IGF1R: variants seen among roughly 807,000 people sequenced by gnomAD.
IGF1R encodes insulin-like growth factor 1 receptor.
A neutral mutation model predicts 144.6 loss-of-function variants in IGF1R; 44 were observed. That is an observed-to-expected ratio of 0.30 (90% CI 0.24 to 0.39). The LOEUF is 0.39. IGF1R is among the 10% of genes least tolerant of loss of function. The probability of loss-of-function intolerance (pLI) is 1.00; values close to 1 mark genes in which losing one functional copy is unlikely to be tolerated. For missense variants in IGF1R, 1,355 were observed against 1,833.7 expected, an observed-to-expected ratio of 0.74 and a Z score of 4.77; for synonymous variants, 795 against 722.8, an observed-to-expected ratio of 1.10 and a Z score of -1.60.
At chr15:98,673,351 G>A (rs1227493630) in intron 1 of IGF1R, among the ~76,000 whole-genome samples, 2 of 152,194 alleles carry the variant, frequency 1.3e-5, no homozygotes, top group East Asian at 3.8e-4. Context: ...ACTAGCGGTT[G>A]TACAGTAAAT....
rs187740308 is a variant in IGF1R at position 98,949,339 on chromosome 15, A to T, written c.3722+631A>T. Among the ~76,000 whole-genome samples, 393 of 150,928 alleles carry T rather than the reference A, an allele frequency of 2.6e-3. 2 individuals are homozygous for T. The highest frequency in any genetic ancestry group is 9.2e-3 in the African/African-American group (378 of 41,080). On this transcript the variant is annotated intron_variant, in intron 20 of 20. Coordinates refer to ENST00000650285, the MANE Select transcript of IGF1R (RefSeq NM_000875.5). ...TGTGTGAGCTGACATCCCTGCGGACAGAAGGATGCCAGTGCTGGTGAATTT... is the reference window on the plus strand; with the variant it reads ...TGTGTGAGCTGACATCCCTGCGGACTGAAGGATGCCAGTGCTGGTGAATTT...
intron 2 of IGF1R, among the ~76,000 whole-genome samples, chr15:98,808,984 C>A (rs4966029): frequency 0.91 from 138,768 of 152,256 alleles, 63,895 homozygotes; most frequent in Middle Eastern, 0.98. Flanking sequence ...ACTGTGCCCT[C>A]TGTAAAAGAT....
intron 1 of IGF1R, among the ~76,000 whole-genome samples, chr15:98,662,176 T>G (rs2052617357): frequency 6.6e-6 from 1 of 151,710 alleles, no homozygotes; most frequent in Non-Finnish European, 1.5e-5. Context: ...AGACGGGGTT[T>G]AGGCATGTTG....
chr15:98,822,613 A>C (rs926795588), intron 2 of IGF1R, among the ~76,000 whole-genome samples: 1 of 152,228 alleles, frequency 6.6e-6, no homozygotes, highest in African/African-American at 2.4e-5. Context: ...TCATCCATTA[A>C]TGCATTTCTC....
intron 2 of IGF1R, among the ~76,000 whole-genome samples, chr15:98,746,562 C>T (rs1476232562): frequency 6.6e-6 from 1 of 151,444 alleles, no homozygotes; most frequent in East Asian, 1.9e-4. Flanking sequence ...TCCCCACAGT[C>T]CTGAGTGCTT....
At chr15:98,956,909 C>A in intron 20 of IGF1R, 152 bp from the exon 21 acceptor site, 1 of 857,124 alleles carries the variant, frequency 1.2e-6, no homozygotes, top group Non-Finnish European at 1.9e-6. Context: ...GCCATCCAGG[C>A]AGAAAGCCAG....
chr15:98,945,595 AAC>A (rs1209095839), intron 19 of IGF1R, among the ~76,000 whole-genome samples: 4 of 152,088 alleles, frequency 2.6e-5, no homozygotes, highest in Non-Finnish European at 4.4e-5. Context: ...GGCTTTGAAA[AAC>A]ACAGAGGTGT....
intron 2 of IGF1R, among the ~76,000 whole-genome samples, chr15:98,817,908 T>C (rs1188617180): frequency 6.6e-6 from 1 of 152,174 alleles, no homozygotes; most frequent in African/African-American, 2.4e-5. Flanking sequence ...TCCAGCGTCA[T>C]GGTTGGAGAA....
At chr15:98,909,155 C>G (rs1391261769) in intron 6 of IGF1R, among the ~76,000 whole-genome samples, 1 of 152,056 alleles carries the variant, frequency 6.6e-6, no homozygotes, top group Non-Finnish European at 1.5e-5. Flanking sequence ...GGTTCTCAAA[C>G]TTTAAAGTGC....
At chr15:98,827,866 C>G (rs2056923799) in intron 2 of IGF1R, among the ~76,000 whole-genome samples, 1 of 152,194 alleles carries the variant, frequency 6.6e-6, no homozygotes, top group African/African-American at 2.4e-5. Context: ...CAGGCATGAG[C>G]CACCGCGCCC....
chr15:98,760,648 A>AG (rs1327203404), intron 2 of IGF1R, among the ~76,000 whole-genome samples: 1 of 152,072 alleles, frequency 6.6e-6, no homozygotes, highest in African/African-American at 2.4e-5. Flanking sequence ...GGCGTCTGCC[A>AG]GGGGTTGTCT....
intron 1 of IGF1R, among the ~76,000 whole-genome samples, chr15:98,691,183 T>A (rs2053466226): frequency 6.6e-6 from 1 of 152,128 alleles, no homozygotes; most frequent in South Asian, 2.1e-4. Context: ...CCTTTCCTGG[T>A]CTAGGATCCT....
chr15:98,916,614 C>T, intron 9 of IGF1R, 58 bp from the exon 10 acceptor site: 1 of 1,422,986 alleles, frequency 7.0e-7, no homozygotes, highest in Non-Finnish European at 9.9e-7. Context: ...TTTTTCCTTA[C>T]AAGCATGTAT....
At chr15:98,862,023 C>A (rs998558590) in intron 2 of IGF1R, among the ~76,000 whole-genome samples, 5 of 152,158 alleles carry the variant, frequency 3.3e-5, no homozygotes, top group South Asian at 2.1e-4. Context: ...TCAAGCTTTT[C>A]AGATGAGATT....
intron 1 of IGF1R, among the ~76,000 whole-genome samples, chr15:98,705,624 C>T (rs1434748010): frequency 1.3e-5 from 2 of 152,176 alleles, no homozygotes; most frequent in African/African-American, 4.8e-5. Context: ...GCCCACTCCT[C>T]AGCCCTTGGG....
chr15:98,783,881 C>T (rs1167252357), intron 2 of IGF1R, among the ~76,000 whole-genome samples: 2 of 150,290 alleles, frequency 1.3e-5, no homozygotes, highest in African/African-American at 4.9e-5. Context: ...TCTTCCTAGG[C>T]TAGATTAGAA....
chr15:98,752,998 T>G (rs1043380412), intron 2 of IGF1R, among the ~76,000 whole-genome samples: 23 of 145,372 alleles, frequency 1.6e-4, no homozygotes, highest in Non-Finnish European at 3.1e-4. Flanking sequence ...TGCAGTGACA[T>G]GATCTTGGCT....
intron 2 of IGF1R, among the ~76,000 whole-genome samples, chr15:98,716,335 C>T (rs2054116040): frequency 6.6e-6 from 1 of 152,156 alleles, no homozygotes; most frequent in African/African-American, 2.4e-5. Flanking sequence ...TCTCTCTCTC[C>T]TCTTTGATCC....
chr15:98,840,383 C>T (rs192307204), intron 2 of IGF1R, among the ~76,000 whole-genome samples: 56 of 152,268 alleles, frequency 3.7e-4, no homozygotes, highest in South Asian at 2.3e-3. Context: ...CAATGGGGAA[C>T]GGTGAGTAAG....
Sources: allele counts gnomAD v4.1 joint callset (sites outside exome capture counted in the v4.1 genomes callset), GRCh38; gene constraint gnomAD v4.1.1; transcripts MANE v1.5; gene names NCBI Gene and HGNC (gene_info 2026-07-23, HGNC 2026-07-21).